The following CALR3 variants were observed in gnomAD, a reference collection of about 807,000 sequenced individuals.
CALR3 encodes the protein calreticulin-3.
CALR3 carries 39 observed loss-of-function variants against 48.7 expected under a neutral mutation model. The observed-to-expected ratio is 0.80, with a 90% CI of 0.62 to 1.05. CALR3 has a LOEUF of 1.05. Among genes scored for constraint, CALR3 ranks in the 50% least tolerant of loss-of-function variants. The pLI is 0.00. For missense variants in CALR3, 449 were observed against 474.7 expected (o/e 0.95, Z 0.50); for synonymous variants, 185 against 172.7 (o/e 1.07, Z -0.56).
chr19:16,493,722 GTA>G (rs200027257), intron 2 of CALR3, among the ~76,000 whole-genome samples: 1 of 144,306 alleles, frequency 6.9e-6, no homozygotes, highest in Non-Finnish European at 1.5e-5. Context: ...GCTAATATTT[GTA>G]TATATATATA....
intron 2 of CALR3, among the ~76,000 whole-genome samples, chr19:16,492,271 A>G (rs1464371086): frequency 6.6e-6 from 1 of 152,042 alleles, no homozygotes; most frequent in African/African-American, 2.4e-5. Flanking sequence ...AGCCTGGCCA[A>G]CGTGGGGAAA....
intron 2 of CALR3, among the ~76,000 whole-genome samples, chr19:16,490,780 T>C (rs2093396662): frequency 1.3e-5 from 2 of 151,608 alleles, no homozygotes; most frequent in Admixed American, 6.6e-5. Flanking sequence ...TTTTTTGACA[T>C]GGAGTCTCAC....
chr19:16,483,676 C>T (rs1279106284), intron 5 of CALR3: 14 of 436,270 alleles, frequency 3.2e-5, no homozygotes, highest in South Asian at 4.6e-5. Context: ...TGAGATCACG[C>T]CACTGCACTC....
At chr19:16,486,081 G>A (rs2093388557) in intron 3 of CALR3, among the ~76,000 whole-genome samples, 2 of 152,080 alleles carry the variant, frequency 1.3e-5, no homozygotes, top group African/African-American at 4.8e-5. Context: ...CACTTTAGGA[G>A]GCCAAGGTGG....
chr19:16,496,109 C>T lies in CALR3; in HGVS notation c.21G>A (p.Gln7=). MARALV[Q]LWAICMLRVA... is the part of the protein sequence containing the mutation. ...CTCGCAGCATGCATATGGCCCAGAGCTGGACCAAAGCCCGGGCCATGGGGG... is the reference window on the plus strand; with the variant it reads ...CTCGCAGCATGCATATGGCCCAGAGTTGGACCAAAGCCCGGGCCATGGGGG... Residue 7 remains glutamine, a synonymous_variant, in exon 1 of 9, where the codon CAG becomes CAA. Transcript: ENST00000269881. The T allele has an allele frequency of 1.2e-6, 2 of 1,605,308 alleles. No homozygotes were observed. The highest frequency in any genetic ancestry group is 4.5e-5 in the East Asian group (2 of 44,564).
chr19:16,492,778 C>T (rs1405963703), intron 2 of CALR3, among the ~76,000 whole-genome samples: 1 of 150,116 alleles, frequency 6.7e-6, no homozygotes, highest in African/African-American at 2.5e-5. Flanking sequence ...AGAAGAATGG[C>T]GTGAACCCAG....
chr19:16,488,948 G>A (rs964464127), intron 3 of CALR3, among the ~76,000 whole-genome samples: 3 of 152,170 alleles, frequency 2.0e-5, no homozygotes, highest in Non-Finnish European at 2.9e-5. Flanking sequence ...CACTGGTACT[G>A]GCGAGCAGCC....
At chr19:16,488,446 C>CTT (rs1568486865) in intron 3 of CALR3, among the ~76,000 whole-genome samples, 2 of 152,062 alleles carry the variant, frequency 1.3e-5, no homozygotes, top group African/African-American at 4.8e-5. Context: ...GTTCTGTTAC[C>CTT]CAGGCTGGAG....
chr19:16,482,216 C>T (rs1009531851), intron 7 of CALR3, among the ~76,000 whole-genome samples: 1 of 151,590 alleles, frequency 6.6e-6, no homozygotes, highest in African/African-American at 2.4e-5. Flanking sequence ...CCTAGACTCC[C>T]ATTTCTTAAA....
chr19:16,490,856 C>A (rs2093396844), intron 2 of CALR3, among the ~76,000 whole-genome samples: 1 of 151,418 alleles, frequency 6.6e-6, no homozygotes, highest in Non-Finnish European at 1.5e-5. Context: ...CTCCCGGGTT[C>A]AAGTGATTCT....
Position 16,482,480 on chromosome 19 carries a change from G to A in CALR3, c.888C>T (p.Asn296=). Residue 296 remains asparagine, a synonymous_variant, in exon 7 of 9, where the codon AAC becomes AAT. Coordinates refer to ENST00000269881, the MANE Select transcript of CALR3 (RefSeq NM_145046.5). Reference sequence around the variant, plus strand: ...AAAGCTCCAGGCCAATGGCACCAATGTTCTCAAATTCTGAGAGGTCATACT... The same window carrying A: ...AAAGCTCCAGGCCAATGGCACCAATATTCTCAAATTCTGAGAGGTCATACT... ...LTQYDLSEFE[N]IGAIGLELWQ... The A allele has an allele frequency of 1.2e-6, 2 of 1,614,226 alleles. No individual in the cohort carries two copies. The highest frequency in any genetic ancestry group is 1.7e-6 in the Non-Finnish European group (2 of 1,180,042).
intron 3 of CALR3, among the ~76,000 whole-genome samples, chr19:16,487,582 G>A (rs1047126118): frequency 2.1e-4 from 32 of 151,138 alleles, no homozygotes; most frequent in Admixed American, 2.0e-4. Context: ...TGATGTTTCA[G>A]ATATCTGGGT....
Position 16,495,860 on chromosome 19 carries a change from G to C in CALR3, c.92-8C>G. On this transcript the variant is annotated splice_polypyrimidine_tract_variant and splice_region_variant and intron_variant, in intron 1 of 8. Transcript: ENST00000269881. ...ATCGGTTTCTCCAATGCTCTGTGGG[G>C]AAGGGGAAATAACACCGGTTAGAGG... 1.2e-6 allele frequency: 2 copies of C among 1,612,458 alleles called. No individual in the cohort carries two copies. The highest frequency in any genetic ancestry group is 1.7e-6 in the Non-Finnish European group (2 of 1,178,460).
At chr19:16,487,766 T>C (rs1312138206) in intron 3 of CALR3, among the ~76,000 whole-genome samples, 1 of 151,740 alleles carries the variant, frequency 6.6e-6, no homozygotes, top group East Asian at 1.9e-4. Context: ...GCCTCCTGAG[T>C]AGCTGGGATT....
chr19:16,484,031 A>C lies in CALR3; in HGVS notation c.577T>G (p.Ser193Ala). ...DVKIDGQSIE[S>A]GSIEYDWNLT... is the part of the protein sequence containing the mutation. ...TTCCAGTCGTACTCTATGCTGCCGG[A>C]TTCAATTGACTGACCATCAATTTTC... The change falls in exon 5 of 9, where the codon TCC (serine) becomes GCC (alanine). Residue 193 changes from serine (S) to alanine (A), a missense_variant. Coordinates refer to ENST00000269881, the MANE Select transcript of CALR3 (RefSeq NM_145046.5). The C allele has an allele frequency of 6.2e-7, 1 of 1,614,084 alleles. No homozygotes were observed. Among genetic ancestry groups the C allele is most frequent in the Non-Finnish European group, 8.5e-7 (1 of 1,180,012 alleles).
At chr19:16,483,890 A>T (rs112527758) in intron 5 of CALR3, 40 bp downstream of exon 5, 24 of 1,594,712 alleles carry the variant, frequency 1.5e-5, no homozygotes, top group African/African-American at 1.3e-4. Flanking sequence ...TACAAACTAC[A>T]TTTGTGCACT....
At chr19:16,485,822 C>A (rs1156593766) in intron 3 of CALR3, among the ~76,000 whole-genome samples, 2 of 128,464 alleles carry the variant, frequency 1.6e-5, no homozygotes, top group African/African-American at 5.9e-5. Flanking sequence ...CCAGGCCCAG[C>A]TAATTTTTGT....
intron 3 of CALR3, among the ~76,000 whole-genome samples, chr19:16,486,619 C>A (rs1206055587): frequency 9.6e-4 from 119 of 123,656 alleles, no homozygotes; most frequent in African/African-American, 1.6e-3. Flanking sequence ...GATTCTATCT[C>A]AAAAAAAAAA....
At chr19:16,493,962 C>T (rs1031187347) in intron 2 of CALR3, among the ~76,000 whole-genome samples, 10 of 152,056 alleles carry the variant, frequency 6.6e-5, no homozygotes, top group Admixed American at 1.3e-4. Flanking sequence ...TCAAGTGATT[C>T]GCTTGCCTTA....
Sources: gnomAD v4.1 joint callset for allele counts (sites outside exome capture counted in the v4.1 genomes callset) on GRCh38, gnomAD v4.1.1 for gene constraint, MANE v1.5 for transcripts, NCBI Gene and HGNC (gene_info 2026-07-23, HGNC 2026-07-21) for gene names.